The following FANCD2 variants were observed in gnomAD, a reference collection of about 807,000 sequenced individuals.
The protein encoded by FANCD2 is Fanconi anemia group D2 protein.
In FANCD2, 131 loss-of-function variants were observed where a neutral mutation model predicts 192.3. That is an observed-to-expected ratio of 0.68 (90% confidence interval 0.59 to 0.79). The LOEUF (loss-of-function observed/expected upper bound fraction) is 0.79. Ranked by LOEUF, FANCD2 falls within the 30% of genes least tolerant of loss-of-function variation. The pLI, the probability that FANCD2 is intolerant of heterozygous loss-of-function variation, is 0.00. For synonymous variants in FANCD2, 524 were observed against 612.5 expected (o/e 0.86, Z 2.13); for missense variants, 1,508 against 1,701.6 (o/e 0.89, Z 2.00).
chr3:10,039,388 A>G (rs2086808230), intron 8 of FANCD2, 31 bp downstream of exon 8: 15 of 1,529,126 alleles, frequency 9.8e-6, no homozygotes, highest in Middle Eastern at 1.7e-4. Context: ...TCTTGAATTT[A>G]AAGAGTATGT....
intron 17 of FANCD2, among the ~76,000 whole-genome samples, chr3:10,051,041 A>G (rs558698348): frequency 1.0e-3 from 155 of 148,672 alleles, no homozygotes; most frequent in African/African-American, 3.8e-3. Flanking sequence ...AGCTGAGATC[A>G]TGCCATCACA....
intron 15 of FANCD2, 137 bp from the exon 16 acceptor site, chr3:10,047,780 C>T: frequency 9.9e-7 from 1 of 1,008,824 alleles, no homozygotes. Context: ...TTGTGTAAAA[C>T]AAAGATTAAG....
Position 10,064,363 on chromosome 3 carries a change from T to C in FANCD2, c.1955T>C (p.Val652Ala). ...TTTGTTTGCTTCCTGAAGGAATGGG[T>C]TGGGCATACCATCTGTAATGATTTC... Reference protein sequence around the residue: ...EKLDPKALEWVGHTICNDFQD... With the variant: ...EKLDPKALEWAGHTICNDFQD... The change falls in exon 22 of 44, where the codon GTT becomes GCT. Residue 652 changes from valine to alanine, a missense_variant. By Grantham distance (64) the Val-to-Ala change is moderately conservative. Transcript: ENST00000675286. The C allele has an allele frequency of 1.9e-6, 3 of 1,606,028 alleles. No individual in the cohort carries two copies. The highest frequency in any genetic ancestry group is 1.7e-6 in the Non-Finnish European group (2 of 1,172,610).
At chr3:10,054,451 A>ACATG (rs2087334538) in intron 18 of FANCD2, among the ~76,000 whole-genome samples, 2 of 18,716 alleles carry the variant, frequency 1.1e-4, no homozygotes, top group Non-Finnish European at 1.8e-4. Flanking sequence ...ATATACATAT[A>ACATG]TATATATATA....
At chr3:10,069,308 C>T (rs955206020) in intron 26 of FANCD2, among the ~76,000 whole-genome samples, 6 of 151,052 alleles carry the variant, frequency 4.0e-5, no homozygotes, top group East Asian at 3.9e-4. Context: ...AAAAATTATT[C>T]GGATTGAAAA....
rs1301819180 is a variant in FANCD2 at position 10,087,265 on chromosome 3, G to T, written c.3466+1G>T. The T allele has an allele frequency of 2.5e-6, 4 of 1,590,328 alleles. No homozygotes were observed. Among genetic ancestry groups the T allele is most frequent in the Non-Finnish European group, 2.6e-6 (3 of 1,165,344 alleles). ...TCTGCTCAGAACAAAGAAAAAATTG[G>T]TGATGGGCCTAGATCCTTTTTTTTT... On this transcript the variant is annotated splice_donor_variant, in intron 34 of 43. Transcript: ENST00000675286. LOFTEE classifies it high-confidence loss of function.
chr3:10,054,202 ACT>A (rs1464046180), intron 18 of FANCD2, among the ~76,000 whole-genome samples: 7 of 151,090 alleles, frequency 4.6e-5, no homozygotes. Context: ...ACAGAGTGAG[ACT>A]CTATCTCAAA....
At chr3:10,036,105 T>TTTTTTTTTTTTTTTTTTTG (rs2086724568) in intron 6 of FANCD2, among the ~76,000 whole-genome samples, 182 bp from the exon 7 acceptor site, 4 of 146,858 alleles carry the variant, frequency 2.7e-5, no homozygotes, top group South Asian at 2.2e-4. Flanking sequence ...TTTTTTTTTT[T>TTTTTTTTTTTTTTTTTTTG]GAGTCAGAGT....
In FANCD2 at chr3:10,060,276, T is replaced by G; in HGVS notation, c.1657-18T>G. On this transcript the variant is annotated intron_variant, in intron 18 of 43. Transcript: ENST00000675286. ...TGCCATTCCAGCATTTTCATCTTTC[T>G]TCATCATCTCATTGCAGGATGACAT... 1.9e-6 allele frequency: 3 copies of G among 1,572,614 alleles called. No homozygotes were observed. The highest frequency in any genetic ancestry group is 2.7e-5 in the African/African-American group (2 of 74,130).
intron 17 of FANCD2, among the ~76,000 whole-genome samples, chr3:10,052,030 T>C (rs900115025): frequency 6.6e-6 from 1 of 152,150 alleles, no homozygotes; most frequent in Non-Finnish European, 1.5e-5. Flanking sequence ...AGGTAAAGAA[T>C]ACCGAGAACT....
At chr3:10,035,409 A>C (rs532570262) in intron 6 of FANCD2, among the ~76,000 whole-genome samples, 176 bp downstream of exon 6, 2 of 152,242 alleles carry the variant, frequency 1.3e-5, no homozygotes, top group South Asian at 4.1e-4. Flanking sequence ...CTGTGTTTTA[A>C]AACTGTGCTT....
At chr3:10,029,516 T>TG (rs1050403040) in intron 2 of FANCD2, among the ~76,000 whole-genome samples, 5 of 151,564 alleles carry the variant, frequency 3.3e-5, no homozygotes, top group East Asian at 1.9e-4. Flanking sequence ...AAAAAGGGAG[T>TG]GGGGGGCGGG....
chr3:10,065,700 T>C (rs985808812), intron 24 of FANCD2, among the ~76,000 whole-genome samples, 164 bp from the exon 25 acceptor site: 2 of 152,250 alleles, frequency 1.3e-5, no homozygotes, highest in African/African-American at 4.8e-5. Flanking sequence ...TTTCTAGTTA[T>C]ATTTGTTGAT....
rs1410992986 is a variant in FANCD2, at chr3:10,063,806, G to C, written c.1842G>C (p.Leu614Phe). 6.2e-7 allele frequency: 1 copy of C among 1,614,096 alleles called. No individual in the cohort carries two copies. Among genetic ancestry groups the C allele is most frequent in the African/African-American group, 1.3e-5 (1 of 74,934 alleles). The change falls in exon 21 of 44, where the codon TTG becomes TTC. Residue 614 changes from leucine (L) to phenylalanine (F), a missense_variant. By Grantham distance (22) the Leu-to-Phe change is conservative (BLOSUM62 0). Around this residue, in one of 5 missense-constraint regions of FANCD2, gnomAD observed 59 missense variants for 111.9 expected, o/e 0.53. Transcript: ENST00000675286. ...DEQCTQVTSL[L>F]QLVHSCSEQS... ...CTTTGCTCCAGGTGACCTCCTTGTT[G>C]CAGTTGGTTCATTCCTGCAGTGAGC... is the stretch of plus-strand genomic sequence containing the variant.
chr3:10,071,850 C>A (rs1386952121), intron 26 of FANCD2, among the ~76,000 whole-genome samples: 2 of 152,168 alleles, frequency 1.3e-5, no homozygotes, highest in East Asian at 3.9e-4. Context: ...ACCTCTGCCT[C>A]CTGGGTTCAA....
At chr3:10,041,592 T>C in intron 9 of FANCD2, 31 bp from the exon 10 acceptor site, 1 of 1,464,282 alleles carries the variant, frequency 6.8e-7, no homozygotes, top group Non-Finnish European at 9.6e-7. Context: ...CAAACCATTA[T>C]ACAACTTTTT....
Position 10,094,813 on chromosome 3 carries a change from A to G in FANCD2, c.3964-387A>G, listed in dbSNP as rs951831843. Reference sequence around the variant, plus strand: ...CCAGGGCTAGAGTGATGAATTAAGGATAGAATCACATTATTTCCTATACAT... The same window carrying G: ...CCAGGGCTAGAGTGATGAATTAAGGGTAGAATCACATTATTTCCTATACAT... On this transcript the variant is annotated intron_variant, in intron 40 of 43. Coordinates refer to ENST00000675286, the MANE Select transcript of FANCD2 (RefSeq NM_001018115.3). 21 of 335,992 alleles carry G rather than the reference A, an allele frequency of 6.3e-5. 1 individual carries two copies. Among genetic ancestry groups the G allele is most frequent in the South Asian group, 6.1e-4 (21 of 34,572 alleles). 20.8% of individuals were successfully genotyped at this position (335,992 alleles called of 1,614,324 possible). A position where few individuals can be genotyped will look rare whatever the true frequency, so the allele number is the denominator to read the frequency against.
chr3:10,082,000 C>G (rs1212005901), intron 32 of FANCD2, among the ~76,000 whole-genome samples: 1 of 152,188 alleles, frequency 6.6e-6, no homozygotes, highest in Non-Finnish European at 1.5e-5. Flanking sequence ...CTGGTCAATC[C>G]TACCCAAGCT....
In FANCD2 at chr3:10,094,360, C is replaced by A. The variant is rs1373464717; in HGVS notation, c.3960C>A (p.His1320Gln). The A allele has an allele frequency of 6.2e-7, 1 of 1,612,906 alleles. No individual in the cohort carries two copies. The highest frequency in any genetic ancestry group is 2.2e-5 in the East Asian group (1 of 44,874). ...TCCTAGACTTCAGTTTTAGAAAACACCGGGTAAGAGCTAAGAGCAGAGAAC... is the reference window on the plus strand; with the variant it reads ...TCCTAGACTTCAGTTTTAGAAAACAACGGGTAAGAGCTAAGAGCAGAGAAC... ...MPLLDFSFRKHREDVLSLLET... is the reference protein window; with the variant it reads ...MPLLDFSFRKQREDVLSLLET... The change falls in exon 40 of 44, where the codon CAC becomes CAA. Residue 1320 changes from histidine to glutamine, a missense_variant. Physicochemically the swap from His to Gln is conservative, Grantham distance 24 (BLOSUM62 0). This residue lies in a region of FANCD2 where 796 missense variants were observed against 879.4 expected (regional missense o/e 0.91). Coordinates refer to ENST00000675286, the MANE Select transcript of FANCD2 (RefSeq NM_001018115.3).
Sources: allele counts gnomAD v4.1 joint callset (sites outside exome capture counted in the v4.1 genomes callset), GRCh38; gene constraint gnomAD v4.1.1; regional missense constraint gnomAD v4.1.1; transcripts MANE v1.5; gene names NCBI Gene and HGNC (gene_info 2026-07-23, HGNC 2026-07-21).